Variants in FHIP1A observed in about 807,000 individuals in gnomAD.
FHIP1A encodes the protein FHF complex subunit HOOK-interacting protein 1A.
In FHIP1A, 61 loss-of-function variants were observed where a neutral mutation model predicts 88.6. That is an observed-to-expected ratio of 0.69 (90% CI 0.56 to 0.85). FHIP1A has a LOEUF of 0.85. Ranked by LOEUF, FHIP1A falls within the 40% of genes least tolerant of loss-of-function variation. FHIP1A has a pLI of 0.00. For synonymous variants in FHIP1A, 478 were observed against 496.0 expected, an observed-to-expected ratio of 0.96 and a Z score of 0.48; for missense variants, 1,154 against 1,273.5, an observed-to-expected ratio of 0.91 and a Z score of 1.43.
chr4:151,535,084 G>A (rs908642343), intron 3 of FHIP1A, among the ~76,000 whole-genome samples: 3 of 152,086 alleles, frequency 2.0e-5, no homozygotes, highest in African/African-American at 7.2e-5. Flanking sequence ...GTGTGGTGGT[G>A]CACACCTGTA....
intron 3 of FHIP1A, among the ~76,000 whole-genome samples, chr4:151,547,761 A>G (rs1157077329): frequency 6.6e-6 from 1 of 152,090 alleles, no homozygotes; most frequent in East Asian, 1.9e-4. Context: ...CAAAAACATA[A>G]AAATTAGCTG....
At chr4:151,582,513 G>A (rs1734063054) in intron 5 of FHIP1A, among the ~76,000 whole-genome samples, 1 of 152,098 alleles carries the variant, frequency 6.6e-6, no homozygotes, top group African/African-American at 2.4e-5. Context: ...CCTGTCAGTG[G>A]CAGATTCTGG....
chr4:151,492,216 C>T (rs1241204391), intron 3 of FHIP1A, among the ~76,000 whole-genome samples: 1 of 152,062 alleles, frequency 6.6e-6, no homozygotes, highest in Non-Finnish European at 1.5e-5. Flanking sequence ...TTTCATCAGC[C>T]CATGGAACAT....
intron 3 of FHIP1A, among the ~76,000 whole-genome samples, chr4:151,564,628 G>T (rs1733310052): frequency 6.6e-6 from 1 of 152,138 alleles, no homozygotes; most frequent in African/African-American, 2.4e-5. Flanking sequence ...AAACAAGTTT[G>T]TAGTATTTGG....
intron 3 of FHIP1A, among the ~76,000 whole-genome samples, chr4:151,565,054 C>T (rs1192478837): frequency 1.3e-5 from 2 of 152,150 alleles, no homozygotes; most frequent in Non-Finnish European, 2.9e-5. Context: ...CTTCCTATTA[C>T]TGTGTTGATA....
At chr4:151,431,328 C>G (rs1177419016) in intron 1 of FHIP1A, among the ~76,000 whole-genome samples, 2 of 152,092 alleles carry the variant, frequency 1.3e-5, no homozygotes, top group African/African-American at 4.8e-5. Context: ...CAATTGTCCC[C>G]CAGAGGGATT....
At chr4:151,576,962 A>G (rs1733813393) in intron 4 of FHIP1A, 1 of 153,678 alleles carries the variant, frequency 6.5e-6, no homozygotes, top group Admixed American at 6.5e-5. Context: ...AAGCAATATT[A>G]TACATCAACA....
chr4:151,606,917 C>A (rs1041761951), intron 7 of FHIP1A, among the ~76,000 whole-genome samples: 1 of 152,192 alleles, frequency 6.6e-6, no homozygotes, highest in Non-Finnish European at 1.5e-5. Context: ...CAATGTCCTG[C>A]AGAAATGAGG....
chr4:151,568,391 G>A (rs1733471915), intron 4 of FHIP1A, among the ~76,000 whole-genome samples: 1 of 152,188 alleles, frequency 6.6e-6, no homozygotes, highest in African/African-American at 2.4e-5. Context: ...TTGGACAGGT[G>A]TTTTTAACCT....
At chr4:151,564,732 C>T (rs1030974099) in intron 3 of FHIP1A, among the ~76,000 whole-genome samples, 4 of 152,196 alleles carry the variant, frequency 2.6e-5, no homozygotes, top group Non-Finnish European at 4.4e-5. Context: ...TTGTGTACTT[C>T]TTCTAACAGG....
intron 1 of FHIP1A, among the ~76,000 whole-genome samples, chr4:151,441,286 A>G (rs1728402199): frequency 6.6e-6 from 1 of 151,978 alleles, no homozygotes; most frequent in Non-Finnish European, 1.5e-5. Context: ...TGAAGTTTTC[A>G]AGGGGTTTAG....
intron 1 of FHIP1A, among the ~76,000 whole-genome samples, chr4:151,414,323 G>C (rs554640767): frequency 4.9e-4 from 74 of 152,260 alleles, no homozygotes; most frequent in Non-Finnish European, 9.9e-4. Flanking sequence ...AAAGGGCTGG[G>C]ATTACAGGCT....
intron 7 of FHIP1A, among the ~76,000 whole-genome samples, chr4:151,617,412 C>G (rs749714937): frequency 2.0e-5 from 3 of 152,182 alleles, no homozygotes; most frequent in Admixed American, 2.0e-4. Context: ...AGTCCTTAAC[C>G]TGGTTTTGAA....
intron 2 of FHIP1A, among the ~76,000 whole-genome samples, chr4:151,476,541 G>C (rs1022754922): frequency 6.6e-6 from 1 of 152,058 alleles, no homozygotes; most frequent in African/African-American, 2.4e-5. Context: ...AACCATCTGA[G>C]CCTAAATAGG....
intron 3 of FHIP1A, among the ~76,000 whole-genome samples, chr4:151,536,046 G>A (rs1560754466): frequency 6.6e-6 from 1 of 152,002 alleles, no homozygotes; most frequent in East Asian, 1.9e-4. Flanking sequence ...GGAAAGAGTG[G>A]GCCATTTTAT....
At chr4:151,476,299 G>A (rs1272849503) in intron 2 of FHIP1A, among the ~76,000 whole-genome samples, 2 of 150,940 alleles carry the variant, frequency 1.3e-5, no homozygotes, top group Non-Finnish European at 2.9e-5. Context: ...GCACCACCAT[G>A]CCTGGCTAAT....
chr4:151,593,745 C>G (rs1734533983), intron 7 of FHIP1A, among the ~76,000 whole-genome samples: 1 of 152,104 alleles, frequency 6.6e-6, no homozygotes, highest in Non-Finnish European at 1.5e-5. Context: ...GTTTGAATAC[C>G]CTTTATTTCT....
At chr4:151,522,960 T>C (rs1328030517) in intron 3 of FHIP1A, among the ~76,000 whole-genome samples, 1 of 152,250 alleles carries the variant, frequency 6.6e-6, no homozygotes, top group Non-Finnish European at 1.5e-5. Context: ...TTTGTGATTT[T>C]CTGAGAGCTG....
chr4:151,514,968 A>T (rs1450786091), intron 3 of FHIP1A, among the ~76,000 whole-genome samples: 6 of 152,116 alleles, frequency 3.9e-5, no homozygotes, highest in South Asian at 4.1e-4. Context: ...GCCAGCATCA[A>T]CCTGATACCA....
Sources: gnomAD v4.1 joint callset for allele counts (sites outside exome capture counted in the v4.1 genomes callset) on GRCh38, gnomAD v4.1.1 for gene constraint, MANE v1.5 for transcripts, NCBI Gene and HGNC (gene_info 2026-07-23, HGNC 2026-07-21) for gene names.